Variants in COLGALT2 observed in about 807,000 individuals in gnomAD.
The protein encoded by COLGALT2 is collagen beta(1-O)galactosyltransferase 2, also known as procollagen galactosyltransferase 2.
COLGALT2 carries 49 observed loss-of-function variants against 73.4 expected under a neutral mutation model. That is an observed-to-expected ratio of 0.67 (90% CI 0.53 to 0.85). COLGALT2 has a LOEUF of 0.85. COLGALT2 is among the 40% of genes least tolerant of loss of function. The pLI is 0.00. For synonymous variants in COLGALT2, 295 were observed against 307.6 expected, an observed-to-expected ratio of 0.96 and a Z score of 0.43; for missense variants, 722 against 790.2, an observed-to-expected ratio of 0.91 and a Z score of 1.03.
At chr1:183,943,406 T>C (rs993558195) in intron 10 of COLGALT2, among the ~76,000 whole-genome samples, 2 of 150,486 alleles carry the variant, frequency 1.3e-5, no homozygotes, top group South Asian at 2.1e-4. Flanking sequence ...TGGAGAGAAA[T>C]TGAAAGTGTC....
Position 183,937,750 on chromosome 1 carries a change from C to G in COLGALT2, c.*1011G>C, listed in dbSNP as rs1669996669. The G allele has an allele frequency of 1.2e-5, 12 of 985,178 alleles. No homozygotes were observed. Among genetic ancestry groups the G allele is most frequent in the Non-Finnish European group, 1.3e-5 (11 of 829,896 alleles). 61.0% of individuals were successfully genotyped at this position (985,178 alleles called of 1,614,324 possible). ...CTTATCCTAAAGACAATATCTTCGC[C>G]CATTTTGTAAAATAAATAATTCAAA... is the stretch of plus-strand genomic sequence containing the variant. On this transcript the variant is annotated 3_prime_UTR_variant, in exon 12 of 12. Coordinates refer to ENST00000361927, the MANE Select transcript of COLGALT2 (RefSeq NM_015101.4).
chr1:183,947,213 C>T (rs1054770242), intron 8 of COLGALT2, among the ~76,000 whole-genome samples: 8 of 152,264 alleles, frequency 5.3e-5, no homozygotes, highest in African/African-American at 1.7e-4. Context: ...GACAAGGAAA[C>T]AGAAGACTTG....
intron 7 of COLGALT2, among the ~76,000 whole-genome samples, chr1:183,951,366 GTTCTCCC>G (rs1670396824): frequency 6.6e-6 from 1 of 152,080 alleles, no homozygotes; most frequent in Non-Finnish European, 1.5e-5. Flanking sequence ...TGATAAATAT[GTTCTCCC>G]TTCTCTTGAA....
At chr1:184,029,992 T>C (rs1447958610) in intron 1 of COLGALT2, among the ~76,000 whole-genome samples, 1 of 152,236 alleles carries the variant, frequency 6.6e-6, no homozygotes, top group Non-Finnish European at 1.5e-5. Context: ...AGAAAGTTTC[T>C]AGAAAAATAT....
intron 1 of COLGALT2, among the ~76,000 whole-genome samples, chr1:184,031,368 G>T (rs74132778): frequency 0.034 from 5,191 of 152,222 alleles, 271 homozygotes; most frequent in African/African-American, 0.12. Flanking sequence ...GTCATAATCT[G>T]TCCCTATGAA....
chr1:184,030,775 T>G (rs1649488782), intron 1 of COLGALT2, among the ~76,000 whole-genome samples: 1 of 152,164 alleles, frequency 6.6e-6, no homozygotes, highest in African/African-American at 2.4e-5. Flanking sequence ...AAACTCTGCT[T>G]AAAATACTCC....
chr1:183,969,716 C>T (rs867650291), intron 4 of COLGALT2, among the ~76,000 whole-genome samples: 3 of 152,116 alleles, frequency 2.0e-5, no homozygotes, highest in South Asian at 4.1e-4. Context: ...CAGCATATCT[C>T]TAGATTTAAT....
At chr1:183,964,125 G>A in intron 5 of COLGALT2, 105 bp from the exon 6 acceptor site, 1 of 1,251,612 alleles carries the variant, frequency 8.0e-7, no homozygotes, top group Non-Finnish European at 1.1e-6. Flanking sequence ...GTTTGACACT[G>A]CAATTAAATA....
chr1:184,009,735 A>G (rs1572674353), intron 1 of COLGALT2, among the ~76,000 whole-genome samples: 1 of 152,260 alleles, frequency 6.6e-6, no homozygotes, highest in East Asian at 1.9e-4. Context: ...TAATGGAGAC[A>G]GAGAGAGTTA....
At chr1:183,944,124 T>G (rs1572629363) in intron 10 of COLGALT2, 72 bp downstream of exon 10, 10 of 1,481,372 alleles carry the variant, frequency 6.8e-6, no homozygotes. Flanking sequence ...GCTGTGGAGG[T>G]GGGGCTCTCT....
In COLGALT2 at chr1:183,972,795, G is replaced by T. The variant is rs189750680; in HGVS notation, c.627+821C>A. On this transcript the variant is annotated intron_variant, in intron 4 of 11. Coordinates refer to ENST00000361927, the MANE Select transcript of COLGALT2 (RefSeq NM_015101.4). ...GCTCACTGCAAGCTCCGCCTCCCAA[G>T]TTCACGCCATTCTCCTGCCTCAGCC... Among the ~76,000 whole-genome samples the T allele has an allele frequency of 1.6e-3, 247 of 151,988 alleles. 2 individuals are homozygous for T. The highest frequency in any genetic ancestry group is 6.8e-3 in the Middle Eastern group (2 of 294).
chr1:183,971,965 A>G lies in COLGALT2; in HGVS notation c.627+1651T>C, dbSNP rs192496017. Among the ~76,000 whole-genome samples, 267 of 152,358 alleles carry G rather than the reference A, an allele frequency of 1.8e-3. 2 individuals are homozygous for G. The highest frequency in any genetic ancestry group is 1.9e-4 in the East Asian group (1 of 5,186). On this transcript the variant is annotated intron_variant, in intron 4 of 11. Coordinates refer to ENST00000361927, the MANE Select transcript of COLGALT2 (RefSeq NM_015101.4). The stretch of plus-strand genomic sequence containing the variant: ...AGTATTTAAACCATAAAAATTGGCA[A>G]TGCTACCAACTAGGGTTTTTCCCAC...
chr1:183,937,890 C>T lies in COLGALT2; in HGVS notation c.*871G>A, dbSNP rs796832526. On this transcript the variant is annotated 3_prime_UTR_variant, in exon 12 of 12. Coordinates refer to ENST00000361927, the MANE Select transcript of COLGALT2 (RefSeq NM_015101.4). ...TGGGTTCCCAGGCTAAGGGGTGGAGCGGAGAGCGTGAAGCTCTGTAGCAGC... is the reference window on the plus strand; with the variant it reads ...TGGGTTCCCAGGCTAAGGGGTGGAGTGGAGAGCGTGAAGCTCTGTAGCAGC... 11 of 985,424 alleles carry T rather than the reference C, an allele frequency of 1.1e-5. No homozygotes were observed. Among genetic ancestry groups the T allele is most frequent in the South Asian group, 4.7e-5 (1 of 21,286 alleles). The allele number at this position is 985,424 out of a possible 1,614,324, so 61.0% of individuals were successfully genotyped here. A position where few individuals can be genotyped will look rare whatever the true frequency, so the allele number is the denominator to read the frequency against.
At chr1:183,956,997 C>G (rs187294840) in intron 6 of COLGALT2, among the ~76,000 whole-genome samples, 5 of 152,184 alleles carry the variant, frequency 3.3e-5, no homozygotes. Context: ...TTGATCTGGT[C>G]TCTCATTAAA....
chr1:183,993,281 C>T (rs534351424), intron 1 of COLGALT2, among the ~76,000 whole-genome samples: 4 of 152,236 alleles, frequency 2.6e-5, no homozygotes, highest in East Asian at 3.9e-4. Context: ...TCCAGGGGAG[C>T]CCAGTAACTT....
chr1:184,018,130 A>G (rs1482033785), intron 1 of COLGALT2, among the ~76,000 whole-genome samples: 1 of 152,196 alleles, frequency 6.6e-6, no homozygotes, highest in African/African-American at 2.4e-5. Flanking sequence ...CTATTTTATT[A>G]TTACCCTAAA....
At chr1:184,031,386 A>G (rs1649505578) in intron 1 of COLGALT2, among the ~76,000 whole-genome samples, 1 of 152,208 alleles carries the variant, frequency 6.6e-6, no homozygotes, top group Admixed American at 6.5e-5. Flanking sequence ...GAAATATACC[A>G]AAACAGATTA....
chr1:183,974,925 G>A (rs76946069), intron 3 of COLGALT2, among the ~76,000 whole-genome samples, 172 bp downstream of exon 3: 1,950 of 152,248 alleles, frequency 0.013, 39 homozygotes, highest in African/African-American at 0.043. Context: ...TGAAGTCCAG[G>A]TAGCCCAATT....
chr1:183,951,172 G>C (rs919395570), intron 7 of COLGALT2, 59 bp from the exon 8 acceptor site: 1 of 1,220,660 alleles, frequency 8.2e-7, no homozygotes, highest in Non-Finnish European at 1.2e-6. Flanking sequence ...CTTTTAGGCT[G>C]TTTGAAAAGT....
Sources: gnomAD v4.1 joint callset for allele counts (sites outside exome capture counted in the v4.1 genomes callset) on GRCh38, gnomAD v4.1.1 for gene constraint, MANE v1.5 for transcripts, NCBI Gene and HGNC (gene_info 2026-07-23, HGNC 2026-07-21) for gene names.